Variants in TMOD1 observed in about 807,000 individuals in gnomAD.
TMOD1 encodes the protein tropomodulin-1.
In TMOD1, 17 loss-of-function variants were observed where a neutral mutation model predicts 40.6. The ratio of observed to expected loss-of-function variants is 0.42; its 90% CI spans 0.29 to 0.63. The LOEUF (loss-of-function observed/expected upper bound fraction) is 0.63, where lower values mean the gene tolerates loss of function less well. Ranked by LOEUF, TMOD1 falls within the 20% of genes least tolerant of loss-of-function variation. The pLI is 0.22. For synonymous variants in TMOD1, 181 were observed against 175.0 expected, an observed-to-expected ratio of 1.03 and a Z score of -0.27; for missense variants, 391 against 447.6, an observed-to-expected ratio of 0.87 and a Z score of 1.14.
chr9:97,546,241 G>T lies in TMOD1; in HGVS notation c.177G>T (p.Thr59=), dbSNP rs748130911. 3.6e-5 allele frequency: 58 copies of T among 1,613,760 alleles called. No individual in the cohort carries two copies. The highest frequency in any genetic ancestry group is 4.2e-6 in the Non-Finnish European group (5 of 1,179,992). Residue 59 remains threonine (T), a synonymous_variant, in exon 3 of 10, where the codon ACG becomes ACT. Transcript: ENST00000259365. ...RQKDQTTKAP[T]GPFKREELLD... ...AGGATCAGACCACCAAGGCGCCCAC[G>T]GGCCCCTTTAAAAGAGAGGAGCTCT... is the stretch of plus-strand genomic sequence containing the variant.
At chr9:97,509,470 G>A (rs978865113) in intron 1 of TMOD1, among the ~76,000 whole-genome samples, 2 of 151,328 alleles carry the variant, frequency 1.3e-5, no homozygotes, top group Non-Finnish European at 2.9e-5. Context: ...TGCCGTTTTG[G>A]GGGTTTTGGG....
chr9:97,559,813 ATATATATATATGTCTATCTATC>A lies in TMOD1; in HGVS notation c.398-2915_398-2894del, dbSNP rs1830605170. On this transcript the variant is annotated intron_variant, in intron 4 of 9. Transcript: ENST00000259365. The stretch of plus-strand genomic sequence containing the variant: ...AAAAAAAATATATATATATATATAT[ATATATATATATGTCTATCTATC>A]TATCTATCTATCTATCTCCAGAGAT... Among the ~76,000 whole-genome samples, 4 of 61,078 alleles carry A rather than the reference ATATATATATATGTCTATCTATC, an allele frequency of 6.5e-5. No individual in the cohort carries two copies. In the South Asian group the frequency reaches 2.3e-3, roughly 35 times the overall value. 40.1% of individuals were successfully genotyped at this position (61,078 alleles called of 152,430 possible). A position where few individuals can be genotyped will look rare whatever the true frequency, so the allele number is the denominator to read the frequency against.
intron 2 of TMOD1, among the ~76,000 whole-genome samples, chr9:97,531,036 C>CCT (rs1554754340): frequency 2.4e-5 from 3 of 127,304 alleles, no homozygotes; most frequent in Admixed American, 2.3e-4. Flanking sequence ...GATCCACACC[C>CCT]ACCCCCCCCA....
At chr9:97,509,612 C>G (rs1019939725) in intron 1 of TMOD1, among the ~76,000 whole-genome samples, 2 of 151,732 alleles carry the variant, frequency 1.3e-5, no homozygotes, top group African/African-American at 4.8e-5. Flanking sequence ...TGGTCCTCCC[C>G]CAAACCCCAG....
intron 2 of TMOD1, among the ~76,000 whole-genome samples, chr9:97,535,415 C>G (rs1168846541): frequency 1.3e-5 from 2 of 152,176 alleles, no homozygotes; most frequent in African/African-American, 4.8e-5. Flanking sequence ...CTTTCTCTCT[C>G]CCTGCGATGC....
At chr9:97,562,673 C>A in intron 4 of TMOD1, 59 bp from the exon 5 acceptor site, 1 of 1,301,960 alleles carries the variant, frequency 7.7e-7, no homozygotes, top group Non-Finnish European at 1.0e-6. Context: ...GAGTGTGGGT[C>A]CCTAGGAGGC....
chr9:97,537,238 G>A (rs1260720594), intron 2 of TMOD1, among the ~76,000 whole-genome samples: 2 of 152,194 alleles, frequency 1.3e-5, no homozygotes, highest in African/African-American at 4.8e-5. Context: ...AATGCATTGT[G>A]TGTGTTCATG....
intron 3 of TMOD1, among the ~76,000 whole-genome samples, chr9:97,548,831 G>A (rs116930499): frequency 0.012 from 1,837 of 152,304 alleles, 70 homozygotes; most frequent in East Asian, 0.11. Context: ...GTATTTGAAT[G>A]CTAGTTGTTG....
chr9:97,512,267 C>A (rs1048096445), intron 1 of TMOD1, among the ~76,000 whole-genome samples: 2 of 152,168 alleles, frequency 1.3e-5, no homozygotes, highest in Non-Finnish European at 2.9e-5. Context: ...GCTGACAGTA[C>A]CAAGTGTTGA....
intron 3 of TMOD1, among the ~76,000 whole-genome samples, chr9:97,551,012 A>ATG (rs1462711989): frequency 5.1e-5 from 2 of 39,348 alleles, no homozygotes. Context: ...ATATATATAT[A>ATG]TATTTTTTTT....
At chr9:97,525,381 C>A (rs1356364992) in intron 2 of TMOD1, among the ~76,000 whole-genome samples, 1 of 152,128 alleles carries the variant, frequency 6.6e-6, no homozygotes, top group Non-Finnish European at 1.5e-5. Context: ...ACACACAATA[C>A]AAGTGTTCAT....
At chr9:97,569,987 TG>T (rs1830794340) in intron 8 of TMOD1, among the ~76,000 whole-genome samples, 1 of 152,196 alleles carries the variant, frequency 6.6e-6, no homozygotes, top group African/African-American at 2.4e-5. Flanking sequence ...GCTGAATGGT[TG>T]TATAAATGTA....
chr9:97,567,564 A>G (rs1812204068), intron 7 of TMOD1, among the ~76,000 whole-genome samples: 2 of 152,222 alleles, frequency 1.3e-5, no homozygotes, highest in African/African-American at 4.8e-5. Context: ...GGATCAGCCT[A>G]GCAGGTTGCC....
intron 1 of TMOD1, among the ~76,000 whole-genome samples, chr9:97,511,886 G>GC (rs1829705852): frequency 6.6e-6 from 1 of 152,134 alleles, no homozygotes; most frequent in African/African-American, 2.4e-5. Flanking sequence ...TGCCCAGCTG[G>GC]CCCTCAGGCA....
At chr9:97,564,642 G>A (rs1388793124) in intron 6 of TMOD1, among the ~76,000 whole-genome samples, 1 of 152,202 alleles carries the variant, frequency 6.6e-6, no homozygotes, top group Non-Finnish European at 1.5e-5. Context: ...TTGTTTTACA[G>A]CCACAGAAGG....
At chr9:97,590,418 G>T (rs1468413420) in intron 8 of TMOD1, among the ~76,000 whole-genome samples, 2 of 151,876 alleles carry the variant, frequency 1.3e-5, no homozygotes, top group Non-Finnish European at 2.9e-5. Context: ...TAGAGACAGG[G>T]TTTCACCATG....
intron 8 of TMOD1, among the ~76,000 whole-genome samples, chr9:97,590,836 A>G (rs1825985527): frequency 6.6e-6 from 1 of 152,154 alleles, no homozygotes; most frequent in Non-Finnish European, 1.5e-5. Flanking sequence ...ACTGGTTATC[A>G]GACTTGGGTG....
intron 1 of TMOD1, among the ~76,000 whole-genome samples, chr9:97,516,026 C>CTTT (rs1829800266): frequency 6.6e-6 from 1 of 152,056 alleles, no homozygotes; most frequent in Non-Finnish European, 1.5e-5. Context: ...AAGCTAAGCC[C>CTTT]CCTCAAACTT....
At chr9:97,595,591 C>T (rs972235952) in intron 9 of TMOD1, among the ~76,000 whole-genome samples, 1 of 147,472 alleles carries the variant, frequency 6.8e-6, no homozygotes, top group African/African-American at 2.5e-5. Context: ...GTGCATATAT[C>T]CCCCAGTTTC....
Sources: allele counts gnomAD v4.1 joint callset (sites outside exome capture counted in the v4.1 genomes callset), GRCh38; gene constraint gnomAD v4.1.1; transcripts MANE v1.5; gene names NCBI Gene and HGNC (gene_info 2026-07-23, HGNC 2026-07-21).